PCDH11Y: variants seen among roughly 807,000 people sequenced by gnomAD.
The protein encoded by PCDH11Y is protocadherin 11 Y-linked.
For missense variants in PCDH11Y, 12 were observed against 224.8 expected, an observed-to-expected ratio of 0.05 and a Z score of 6.05; for synonymous variants, 9 against 83.6, an observed-to-expected ratio of 0.11 and a Z score of 4.87.
chrY:5,198,062 TG>T (rs2052922829), intron 2 of PCDH11Y, among the ~76,000 whole-genome samples: 14 of 30,864 alleles, frequency 4.5e-4, no homozygotes, highest in Non-Finnish European at 7.0e-4. Context: ...TGTGAGCTAA[TG>T]TGTGTTAAAT....
chrY:5,146,515 A>G (rs2052856972), intron 2 of PCDH11Y, among the ~76,000 whole-genome samples: 2 of 34,138 alleles, frequency 5.9e-5, no homozygotes, highest in Admixed American at 2.6e-4. Context: ...ATTAATAAAA[A>G]TCAAAAACAA....
At chrY:5,199,607 G>A in intron 2 of PCDH11Y, among the ~76,000 whole-genome samples, 1 of 32,274 alleles carries the variant, frequency 3.1e-5, no homozygotes, top group Non-Finnish European at 7.5e-5. Context: ...GTTTTAATAG[G>A]ATCGCTCTGG....
chrY:5,287,763 C>T (rs2053061975), intron 2 of PCDH11Y, among the ~76,000 whole-genome samples: 1 of 30,987 alleles, frequency 3.2e-5, no homozygotes, highest in East Asian at 8.7e-4. Context: ...CCAGGCCTGT[C>T]GGTGGGTAGG....
Position 5,546,309 on chromosome Y carries a change from G to T in PCDH11Y, c.3329-35466G>T, listed in dbSNP as rs1602941317. On this transcript the variant is annotated intron_variant, in intron 3 of 4. Transcript: ENST00000400457. ...AGCTATTATTGTAATTGCTACTAGGGACTATAAGTCAACAATAAACTTATT... is the reference window on the plus strand; with the variant it reads ...AGCTATTATTGTAATTGCTACTAGGTACTATAAGTCAACAATAAACTTATT... Among the ~76,000 whole-genome samples, 20 of 32,608 alleles carry T rather than the reference G, an allele frequency of 6.1e-4. No individual in the cohort carries two copies. In the South Asian group the frequency reaches 0.013, roughly 22 times the overall value. 87.5% of individuals were successfully genotyped at this position (32,608 alleles called of 37,273 possible).
At chrY:5,028,276 A>G in intron 1 of PCDH11Y, among the ~76,000 whole-genome samples, 4 of 33,925 alleles carry the variant, frequency 1.2e-4, no homozygotes, top group Admixed American at 2.7e-4. Flanking sequence ...ACAACAGCAG[A>G]AAGTAGACAT....
intron 2 of PCDH11Y, among the ~76,000 whole-genome samples, chrY:5,206,099 A>G: frequency 9.0e-5 from 3 of 33,475 alleles, no homozygotes; most frequent in African/African-American, 2.3e-4. Flanking sequence ...TTGGAATCAG[A>G]AATTATAGGT....
Position 5,513,197 on chromosome Y carries a change from A to AT in PCDH11Y, c.3328+11951dup, listed in dbSNP as rs1351064299. Among the ~76,000 whole-genome samples the AT allele has an allele frequency of 3.6e-4, 11 of 30,207 alleles. No individual in the cohort carries two copies. In the South Asian group the frequency reaches 5.4e-3, roughly 15 times the overall value. 81.0% of individuals were successfully genotyped at this position (30,207 alleles called of 37,273 possible). A position where few individuals can be genotyped will look rare whatever the true frequency, so the allele number is the denominator to read the frequency against. On this transcript the variant is annotated intron_variant, in intron 3 of 4. Transcript: ENST00000400457. ...AGGCACTGGCCACCACGCCCGGCTAATTTTTTTTTGTATTTTTAGTAGAGA... is the reference window on the plus strand; with the variant it reads ...AGGCACTGGCCACCACGCCCGGCTAATTTTTTTTTTGTATTTTTAGTAGAGA...
At position 5,019,749 on chromosome Y, in the gene PCDH11Y, A is replaced by T. The variant is rs544964203; in HGVS notation, c.-133-12157A>T. On this transcript the variant is annotated intron_variant, in intron 1 of 5. Coordinates refer to the PCDH11Y transcript ENST00000333703. ...GTTTCTCTTGCTAATATTCAGTATC[A>T]CTTTGTTACTTGAAAATTCTACTTT... 2.3e-4 allele frequency among the ~76,000 whole-genome samples: 7 copies of T among 30,823 alleles called. No homozygotes were observed. The South Asian group carries it at 5.1e-3, about 23-fold the overall frequency. 82.7% of individuals were successfully genotyped at this position (30,823 alleles called of 37,273 possible).
intron 2 of PCDH11Y, among the ~76,000 whole-genome samples, chrY:5,318,919 G>A (rs2053110157): frequency 1.7e-3 from 54 of 32,109 alleles, no homozygotes; most frequent in Non-Finnish European, 3.7e-3. Context: ...ACTTATCATT[G>A]CAGAATCTGT....
chrY:5,339,501 C>T, intron 2 of PCDH11Y, among the ~76,000 whole-genome samples: 3 of 32,247 alleles, frequency 9.3e-5, no homozygotes, highest in Non-Finnish European at 2.3e-4. Context: ...TACAGGCCCC[C>T]GCCACCAAGC....
At chrY:5,557,389 A>T in intron 3 of PCDH11Y, among the ~76,000 whole-genome samples, 1 of 32,867 alleles carries the variant, frequency 3.0e-5, no homozygotes, top group African/African-American at 1.2e-4. Context: ...CACCTTGGTT[A>T]GATGTGTTCC....
intron 2 of PCDH11Y, among the ~76,000 whole-genome samples, chrY:5,224,820 A>G (rs1469010683): frequency 3.0e-5 from 1 of 33,377 alleles, no homozygotes; most frequent in Non-Finnish European, 7.4e-5. Context: ...CCTTTGTTCC[A>G]TTTTCACATA....
chrY:5,637,115 C>T (rs2124704514), intron 4 of PCDH11Y, among the ~76,000 whole-genome samples: 1 of 33,301 alleles, frequency 3.0e-5, no homozygotes, highest in South Asian at 6.6e-4. Flanking sequence ...TGATTTTTAA[C>T]AAATATTGTC....
At chrY:5,191,299 TA>T (rs2052912273) in intron 2 of PCDH11Y, among the ~76,000 whole-genome samples, 1 of 32,004 alleles carries the variant, frequency 3.1e-5, no homozygotes, top group South Asian at 6.9e-4. Flanking sequence ...GAACTTAAAG[TA>T]AAATTTAAAA....
chrY:5,650,883 A>G, intron 4 of PCDH11Y, among the ~76,000 whole-genome samples: 1 of 32,213 alleles, frequency 3.1e-5, no homozygotes, highest in Admixed American at 2.9e-4. Context: ...ATTAATATTA[A>G]GTGACTGACC....
intron 4 of PCDH11Y, among the ~76,000 whole-genome samples, chrY:5,599,597 A>G: frequency 3.0e-5 from 1 of 33,553 alleles, no homozygotes; most frequent in Non-Finnish European, 7.4e-5. Flanking sequence ...AATCATTGAC[A>G]TAAATGCAAA....
chrY:5,659,483 C>T, intron 4 of PCDH11Y, among the ~76,000 whole-genome samples: 4 of 31,662 alleles, frequency 1.3e-4, no homozygotes, highest in Admixed American at 5.9e-4. Context: ...CTGGCACTCA[C>T]ACCACAATAC....
chrY:5,294,720 A>G (rs2053071381), intron 2 of PCDH11Y, among the ~76,000 whole-genome samples: 1 of 32,255 alleles, frequency 3.1e-5, no homozygotes, highest in Non-Finnish European at 7.6e-5. Flanking sequence ...AAAATGTTGG[A>G]GTTATTATTT....
chrY:5,169,321 A>G, intron 2 of PCDH11Y, among the ~76,000 whole-genome samples: 1 of 32,389 alleles, frequency 3.1e-5, no homozygotes, highest in Non-Finnish European at 7.7e-5. Flanking sequence ...ATGAAACCGA[A>G]CCTTTACCCA....
Sources: gnomAD v4.1 joint callset for allele counts (sites outside exome capture counted in the v4.1 genomes callset) on GRCh38, gnomAD v4.1.1 for gene constraint, MANE v1.5 for transcripts, NCBI Gene and HGNC (gene_info 2026-07-23, HGNC 2026-07-21) for gene names.